Variants in XPO1 observed in about 807,000 individuals in gnomAD.
XPO1 encodes exportin 1.
XPO1 carries 5 observed loss-of-function variants against 133.3 expected under a neutral mutation model. The ratio of observed to expected loss-of-function variants is 0.04; its 90% CI spans 0.02 to 0.08. The LOEUF is 0.08. Among genes scored for constraint, XPO1 ranks in the 10% least tolerant of loss-of-function variants. XPO1 has a pLI of 1.00. For synonymous variants in XPO1, 419 were observed against 408.2 expected (o/e 1.03, Z -0.32); for missense variants, 506 against 1,267.5 (o/e 0.40, Z 9.12).
At position 61,486,580 on chromosome 2, in the gene XPO1, C is replaced by T. The variant is rs144468511; in HGVS notation, c.2314-618G>A. Among the ~76,000 whole-genome samples the T allele has an allele frequency of 2.7e-3, 418 of 152,066 alleles. 1 individual carries two copies. Among genetic ancestry groups the T allele is most frequent in the African/African-American group, 9.4e-3 (390 of 41,456 alleles). ...ACGCCATTCTCCTGCCTCAGCCTAT[C>T]GAGTAGCTGGGAGTACAGGCACCTG... On this transcript the variant is annotated intron_variant, in intron 19 of 24. Transcript: ENST00000401558.
chr2:61,533,934 C>CT, intron 1 of XPO1, 31 bp from the exon 2 acceptor site: 1 of 1,476,438 alleles, frequency 6.8e-7, no homozygotes, highest in African/African-American at 1.4e-5. Context: ...TTGAAGCTGC[C>CT]TATCAAGTTT....
At chr2:61,535,070 G>A (rs963645877) in intron 1 of XPO1, among the ~76,000 whole-genome samples, 2 of 152,162 alleles carry the variant, frequency 1.3e-5, no homozygotes, top group Non-Finnish European at 2.9e-5. Flanking sequence ...AATATGCACT[G>A]GTTAAAACCT....
chr2:61,508,543 C>T (rs1260441097), intron 4 of XPO1, among the ~76,000 whole-genome samples: 1 of 152,104 alleles, frequency 6.6e-6, no homozygotes, highest in African/African-American at 2.4e-5. Context: ...TTAAATAAAC[C>T]TCAAGCTAAC....
chr2:61,531,133 C>T lies in XPO1; in HGVS notation c.126+2639G>A, dbSNP rs116648650. Among the ~76,000 whole-genome samples, 1,278 of 152,264 alleles carry T rather than the reference C, an allele frequency of 8.4e-3. 19 individuals are homozygous for T. The highest frequency in any genetic ancestry group is 0.029 in the African/African-American group (1,193 of 41,546). ...CTACTCCTTTTCCTTTGAAATAAGA[C>T]CCCCAAGGAGGTGGTAAACGAAAAG... On this transcript the variant is annotated intron_variant, in intron 2 of 24. Transcript: ENST00000401558.
intron 1 of XPO1, among the ~76,000 whole-genome samples, chr2:61,536,043 G>T (rs1292175810): frequency 6.6e-6 from 1 of 152,138 alleles, no homozygotes; most frequent in Non-Finnish European, 1.5e-5. Flanking sequence ...AACAAAAAAG[G>T]ATTAAGAAAA....
chr2:61,528,160 C>T (rs1322272080), intron 2 of XPO1, among the ~76,000 whole-genome samples: 3 of 151,720 alleles, frequency 2.0e-5, no homozygotes, highest in African/African-American at 4.8e-5. Flanking sequence ...CTCCTGACCT[C>T]GTGACCCGCC....
At chr2:61,488,819 C>T (rs372056324) in intron 17 of XPO1, 48 bp from the exon 18 acceptor site, 4 of 1,591,864 alleles carry the variant, frequency 2.5e-6, no homozygotes, top group South Asian at 1.1e-5. Flanking sequence ...GAATTATCCA[C>T]GGCTGGGAAC....
chr2:61,479,231 G>A (rs1696208586), intron 24 of XPO1, among the ~76,000 whole-genome samples: 1 of 152,136 alleles, frequency 6.6e-6, no homozygotes, highest in South Asian at 2.1e-4. Context: ...TTGGGAGGCA[G>A]AGACGGGAAG....
intron 11 of XPO1, chr2:61,494,362 T>G: frequency 9.3e-6 from 3 of 321,792 alleles, no homozygotes; most frequent in Non-Finnish European, 1.2e-5. Flanking sequence ...TAAAAGGCCT[T>G]GGGTGCCAAT....
chr2:61,490,808 T>C, intron 16 of XPO1, 32 bp from the exon 17 acceptor site: 1 of 1,604,904 alleles, frequency 6.2e-7, no homozygotes, highest in Non-Finnish European at 8.5e-7. Flanking sequence ...TTAACGTTTA[T>C]GTTATACACC....
chr2:61,515,058 T>C (rs1698298394), intron 4 of XPO1, among the ~76,000 whole-genome samples: 1 of 133,718 alleles, frequency 7.5e-6, no homozygotes, highest in Non-Finnish European at 1.6e-5. Flanking sequence ...GACAGAGTAG[T>C]GTGACTGTCT....
intron 19 of XPO1, among the ~76,000 whole-genome samples, chr2:61,486,795 G>T (rs890855876): frequency 1.3e-5 from 2 of 152,008 alleles, no homozygotes; most frequent in Non-Finnish European, 2.9e-5. Flanking sequence ...CAGAAAATAA[G>T]AAAGACTATG....
chr2:61,482,864 C>G (rs960367823), intron 22 of XPO1, 93 bp downstream of exon 22: 3 of 1,494,250 alleles, frequency 2.0e-6, no homozygotes, highest in African/African-American at 1.4e-5. Flanking sequence ...ACCTCATAAT[C>G]TCCCCGCCTC....
chr2:61,510,850 T>C (rs534243849), intron 4 of XPO1, among the ~76,000 whole-genome samples: 7 of 151,560 alleles, frequency 4.6e-5, no homozygotes, highest in South Asian at 2.1e-4. Context: ...CGCAGGAGGA[T>C]TGCTAGAGCC....
chr2:61,493,037 A>G lies in XPO1; in HGVS notation c.1262T>C (p.Val421Ala). The G allele has an allele frequency of 6.3e-7, 1 of 1,599,084 alleles. No individual in the cohort carries two copies. The highest frequency in any genetic ancestry group is 8.5e-7 in the Non-Finnish European group (1 of 1,176,722). ...PMLFKVRLLM[V>A]SRMAKPEEVL... The stretch of plus-strand genomic sequence containing the variant: ...TTCCTCTGGTTTAGCCATTCGACTA[A>G]CCATTAATAAACGGACCTATACTCA... The change falls in exon 13 of 25, where the codon GTT (valine) becomes GCT (alanine). Residue 421 changes from valine to alanine, a missense_variant. Physicochemically the swap from Val to Ala is moderately conservative, Grantham distance 64. Transcript: ENST00000401558.
intron 24 of XPO1, chr2:61,480,344 A>C (rs1696284972): frequency 7.3e-6 from 1 of 136,602 alleles, no homozygotes; most frequent in South Asian, 2.3e-4. Flanking sequence ...CAATGACGTG[A>C]TCTCGGCTCA....
intron 9 of XPO1, among the ~76,000 whole-genome samples, 192 bp from the exon 10 acceptor site, chr2:61,497,199 G>A (rs1053925731): frequency 6.6e-6 from 1 of 152,124 alleles, no homozygotes; most frequent in East Asian, 1.9e-4. Context: ...CTAGTATACA[G>A]TAAATGCTTT....
chr2:61,499,765 C>A lies in XPO1; in HGVS notation c.538G>T (p.Asp180Tyr). ...TGGGTTATCTGTCCACTAGAGAAAT[C>A]AAATACTTCTTCACTCAAGAGTTTA... Reference protein sequence around the residue: ...ILKLLSEEVFDFSSGQITQVK... With the variant: ...ILKLLSEEVFYFSSGQITQVK... The change falls in exon 7 of 25, where the codon GAT (aspartate) becomes TAT (tyrosine). Residue 180 changes from aspartate to tyrosine, a missense_variant. Transcript: ENST00000401558. 1.2e-6 allele frequency: 2 copies of A among 1,611,072 alleles called. No individual in the cohort carries two copies. Among genetic ancestry groups the A allele is most frequent in the South Asian group, 2.2e-5 (2 of 90,086 alleles).
intron 2 of XPO1, among the ~76,000 whole-genome samples, chr2:61,529,959 T>A (rs1005054287): frequency 5.3e-5 from 8 of 152,220 alleles, no homozygotes; most frequent in African/African-American, 1.9e-4. Context: ...CATTTCTATT[T>A]GATTTCATTA....
Sources: gnomAD v4.1 joint callset for allele counts (sites outside exome capture counted in the v4.1 genomes callset) on GRCh38, gnomAD v4.1.1 for gene constraint, MANE v1.5 for transcripts, NCBI Gene and HGNC (gene_info 2026-07-23, HGNC 2026-07-21) for gene names.